Variants in CERS4 observed in about 807,000 individuals in gnomAD.
CERS4 encodes the protein ceramide synthase 4.
Under a neutral mutation model 51.8 loss-of-function variants are expected in CERS4, and 65 were observed. That is an observed-to-expected ratio of 1.26 (90% CI 1.03 to 1.54). The LOEUF is 1.54. Ranked by LOEUF, CERS4 falls within the 40% of genes most tolerant of loss-of-function variation. CERS4 has a pLI of 0.00. For missense variants in CERS4, 563 were observed against 500.4 expected, an observed-to-expected ratio of 1.13 and a Z score of -1.19; for synonymous variants, 228 against 208.4, an observed-to-expected ratio of 1.09 and a Z score of -0.81.
chr19:8,224,264 G>A (rs113563569), intron 2 of CERS4, among the ~76,000 whole-genome samples: 13,927 of 151,764 alleles, frequency 0.092, 711 homozygotes, highest in East Asian at 0.16. Context: ...ATAATTAGCC[G>A]GGTGTGGTGG....
chr19:8,245,125 A>AACAAACAAAAACAAAAAAAC (rs1555777253), intron 2 of CERS4, among the ~76,000 whole-genome samples: 1 of 150,820 alleles, frequency 6.6e-6, no homozygotes, highest in Admixed American at 6.6e-5. Context: ...AAAAAAAAAA[A>AACAAACAAAAACAAAAAAAC]AAAAAAAAAA....
intron 2 of CERS4, among the ~76,000 whole-genome samples, chr19:8,241,838 G>A (rs959633181): frequency 6.6e-6 from 1 of 152,132 alleles, no homozygotes; most frequent in African/African-American, 2.4e-5. Flanking sequence ...AACAAGGAGG[G>A]AATCTAGCTG....
At chr19:8,243,924 C>G (rs1360843344) in intron 2 of CERS4, among the ~76,000 whole-genome samples, 2 of 152,194 alleles carry the variant, frequency 1.3e-5, no homozygotes, top group Non-Finnish European at 1.5e-5. Context: ...TCTGGTTCAT[C>G]CAGTTCTTCA....
chr19:8,248,786 GA>G (rs1968907649), intron 2 of CERS4, among the ~76,000 whole-genome samples: 2 of 150,438 alleles, frequency 1.3e-5, no homozygotes, highest in African/African-American at 4.9e-5. Context: ...GTGGATGGAT[GA>G]ATGGGTAGGT....
At position 8,251,109 on chromosome 19, in the gene CERS4, G is replaced by C. The variant is rs1054943145; in HGVS notation, c.33G>C (p.Gln11His). The C allele has an allele frequency of 6.2e-7, 1 of 1,609,112 alleles. No homozygotes were observed. Among genetic ancestry groups the C allele is most frequent in the African/African-American group, 1.3e-5 (1 of 74,844 alleles). MLSSFNEWFW[Q>H]DRFWLPPNVT... ...CCAGTTTCAACGAGTGGTTTTGGCAGGACAGGTTCTGGTTACCACCCAATG... is the reference window on the plus strand; with the variant it reads ...CCAGTTTCAACGAGTGGTTTTGGCACGACAGGTTCTGGTTACCACCCAATG... The change falls in exon 3 of 12, where the codon CAG (glutamine) becomes CAC (histidine). Residue 11 changes from glutamine to histidine, a missense_variant. Coordinates refer to ENST00000251363, the MANE Select transcript of CERS4 (RefSeq NM_024552.3).
chr19:8,254,547 C>T lies in CERS4; in HGVS notation c.222C>T (p.Thr74=), dbSNP rs764082332. The change falls in exon 4 of 12, where the codon ACC becomes ACT. Residue 74 remains threonine (T), a synonymous_variant. Transcript: ENST00000251363. ...LSRWLGVRDQ[T]RRQVKPNATL... Reference sequence around the variant, plus strand: ...GGTGGCTGGGTGTGAGGGATCAGACCAGGAGGCAAGTGAAGCCCAACGCCA... The same window carrying T: ...GGTGGCTGGGTGTGAGGGATCAGACTAGGAGGCAAGTGAAGCCCAACGCCA... The T allele has an allele frequency of 1.2e-6, 2 of 1,613,756 alleles. No homozygotes were observed. Among genetic ancestry groups the T allele is most frequent in the Middle Eastern group, 1.7e-4 (1 of 6,048 alleles).
intron 2 of CERS4, among the ~76,000 whole-genome samples, chr19:8,247,074 G>A (rs1290400484): frequency 3.3e-5 from 5 of 152,206 alleles, no homozygotes; most frequent in South Asian, 2.1e-4. Context: ...ACTGAGGCAC[G>A]AGAATTGCTT....
At chr19:8,245,122 A>AAAAACAAAAAAAAACAAAAACAAAAC (rs1555777239) in intron 2 of CERS4, among the ~76,000 whole-genome samples, 1 of 129,258 alleles carries the variant, frequency 7.7e-6, no homozygotes, top group Non-Finnish European at 1.6e-5. Flanking sequence ...AAAAAAAAAA[A>AAAAACAAAAAAAAACAAAAACAAAAC]AAAAAAAAAA....
chr19:8,214,119 C>T (rs1468491640), intron 2 of CERS4, among the ~76,000 whole-genome samples: 1 of 152,044 alleles, frequency 6.6e-6, no homozygotes, highest in South Asian at 2.1e-4. Flanking sequence ...TCCCTACCCC[C>T]TCCTGGACTC....
intron 2 of CERS4, among the ~76,000 whole-genome samples, chr19:8,215,377 G>A (rs12981878): frequency 0.33 from 50,407 of 151,644 alleles, 8,832 homozygotes; most frequent in Non-Finnish European, 0.39. Context: ...TACTCAGGAG[G>A]CTGAGGCAGG....
intron 2 of CERS4, among the ~76,000 whole-genome samples, chr19:8,249,413 C>T (rs542299063): frequency 1.3e-5 from 2 of 152,056 alleles, no homozygotes; most frequent in South Asian, 2.1e-4. Flanking sequence ...GGCTGGGACA[C>T]GCTGGCCGGA....
At chr19:8,224,479 T>G (rs1967703181) in intron 2 of CERS4, among the ~76,000 whole-genome samples, 1 of 144,576 alleles carries the variant, frequency 6.9e-6, no homozygotes, top group Admixed American at 7.0e-5. Context: ...AGGAGGGGAG[T>G]GTCCCCTAAC....
rs555105242 is a variant in CERS4, at chr19:8,261,569, G to C, written c.849-119G>C. ...AGTGTTAGGTATCATGGGGTGGGGG[G>C]CACTAGGGAGCCATAGGTGGTTATG... On this transcript the variant is annotated intron_variant, in intron 10 of 11. Transcript: ENST00000251363. The C allele has an allele frequency of 2.2e-5, 25 of 1,138,718 alleles. No homozygotes were observed. In the African/African-American group the frequency reaches 3.1e-4, roughly 14 times the overall value. The allele number at this position is 1,138,718 out of a possible 1,614,324, so 70.5% of individuals were successfully genotyped here. A position where few individuals can be genotyped will look rare whatever the true frequency, so the allele number is the denominator to read the frequency against.
At chr19:8,244,057 C>T (rs1288658304) in intron 2 of CERS4, among the ~76,000 whole-genome samples, 2 of 152,188 alleles carry the variant, frequency 1.3e-5, no homozygotes, top group East Asian at 1.9e-4. Flanking sequence ...TCACAAGGGT[C>T]TTAAAATGAA....
intron 4 of CERS4, 129 bp from the exon 5 acceptor site, chr19:8,255,478 T>G: frequency 1.2e-6 from 1 of 811,168 alleles, no homozygotes; most frequent in Non-Finnish European, 2.0e-6. Flanking sequence ...CCCCTCCATA[T>G]AGACATGGTC....
intron 2 of CERS4, among the ~76,000 whole-genome samples, chr19:8,234,367 A>T (rs1364504657): frequency 6.6e-6 from 1 of 152,082 alleles, no homozygotes; most frequent in African/African-American, 2.4e-5. Flanking sequence ...GTGCAGTCAT[A>T]GCTCACTGCA....
At chr19:8,221,886 T>TGTTTTG (rs1568501257) in intron 2 of CERS4, among the ~76,000 whole-genome samples, 1 of 92,930 alleles carries the variant, frequency 1.1e-5, no homozygotes, top group East Asian at 2.5e-4. Context: ...TTTTTTTTTT[T>TGTTTTG]TTTTTTTTTT....
intron 2 of CERS4, chr19:8,239,520 A>T (rs1968434053): frequency 6.6e-6 from 1 of 152,302 alleles, no homozygotes; most frequent in Non-Finnish European, 1.5e-5. Context: ...CAGCAGAGGT[A>T]GGCCTGGGGA....
chr19:8,257,853 C>T (rs1383295083), intron 9 of CERS4, 26 bp from the exon 10 acceptor site: 1 of 1,583,638 alleles, frequency 6.3e-7, no homozygotes, highest in Non-Finnish European at 8.7e-7. Flanking sequence ...GGTCCTGAGC[C>T]CATTTCTCCC....
Sources: gnomAD v4.1 joint callset for allele counts (sites outside exome capture counted in the v4.1 genomes callset) on GRCh38, gnomAD v4.1.1 for gene constraint, MANE v1.5 for transcripts, NCBI Gene and HGNC (gene_info 2026-07-23, HGNC 2026-07-21) for gene names.